Variants in CDK6 observed in about 807,000 individuals in gnomAD.
CDK6 encodes the protein cyclin-dependent kinase 6.
In CDK6, 6 loss-of-function variants were observed where a neutral mutation model predicts 37.1. That is an observed-to-expected ratio of 0.16 (90% CI 0.09 to 0.32). The LOEUF (loss-of-function observed/expected upper bound fraction) is 0.32, where lower values mean the gene tolerates loss of function less well. CDK6 is among the 10% of genes least tolerant of loss of function. The pLI is 1.00. For missense variants in CDK6, 224 were observed against 418.9 expected, an observed-to-expected ratio of 0.53 and a Z score of 4.06; for synonymous variants, 160 against 161.3, an observed-to-expected ratio of 0.99 and a Z score of 0.06.
intron 3 of CDK6, among the ~76,000 whole-genome samples, chr7:92,734,778 T>C (rs1429686848): frequency 6.6e-6 from 1 of 152,226 alleles, no homozygotes; most frequent in Non-Finnish European, 1.5e-5. Context: ...TCAGTATTCG[T>C]ACCTTTTAGC....
At chr7:92,641,246 T>C (rs747975181) in intron 5 of CDK6, among the ~76,000 whole-genome samples, 1 of 152,218 alleles carries the variant, frequency 6.6e-6, no homozygotes, top group Non-Finnish European at 1.5e-5. Context: ...TCAGTAGTTT[T>C]AGCATCATCC....
chr7:92,831,526 T>C (rs1801481163), intron 2 of CDK6, among the ~76,000 whole-genome samples: 1 of 152,166 alleles, frequency 6.6e-6, no homozygotes, highest in Admixed American at 6.5e-5. Flanking sequence ...GGGCTAAATA[T>C]ACCCTCCCCT....
chr7:92,642,044 T>G (rs550816421), intron 5 of CDK6, among the ~76,000 whole-genome samples: 6 of 152,264 alleles, frequency 3.9e-5, no homozygotes, highest in African/African-American at 1.4e-4. Flanking sequence ...AGTTCCCCTG[T>G]GAGCTGGCGT....
chr7:92,758,237 G>A (rs1799363318), intron 3 of CDK6, among the ~76,000 whole-genome samples: 1 of 152,168 alleles, frequency 6.6e-6, no homozygotes, highest in African/African-American at 2.4e-5. Context: ...TATTGCCTAG[G>A]CTGTCTTCCA....
At chr7:92,681,918 G>T (rs11763196) in intron 4 of CDK6, among the ~76,000 whole-genome samples, 1 of 152,090 alleles carries the variant, frequency 6.6e-6, no homozygotes, top group Non-Finnish European at 1.5e-5. Context: ...TCACTACTTA[G>T]TGCTGCTACC....
chr7:92,615,384 G>A (rs1179187752), intron 7 of CDK6, 98 bp from the exon 8 acceptor site: 30 of 958,202 alleles, frequency 3.1e-5, no homozygotes, highest in South Asian at 2.6e-4. Flanking sequence ...TATGTTAAGC[G>A]CATCTACAGT....
chr7:92,658,258 C>T (rs1796750785), intron 5 of CDK6, among the ~76,000 whole-genome samples: 1 of 152,182 alleles, frequency 6.6e-6, no homozygotes, highest in Non-Finnish European at 1.5e-5. Context: ...CTGGAATTTA[C>T]TGTACAGAAA....
chr7:92,717,292 T>C (rs1223935726), intron 4 of CDK6, among the ~76,000 whole-genome samples: 1 of 150,940 alleles, frequency 6.6e-6, no homozygotes, highest in African/African-American at 2.4e-5. Context: ...CACTAAGCTA[T>C]GACTGTGCCA....
At chr7:92,679,661 G>T (rs1038002350) in intron 4 of CDK6, among the ~76,000 whole-genome samples, 8 of 152,136 alleles carry the variant, frequency 5.3e-5, no homozygotes, top group Non-Finnish European at 7.4e-5. Context: ...TAGTATGGTT[G>T]TGTGAAGTGA....
intron 2 of CDK6, among the ~76,000 whole-genome samples, chr7:92,812,953 A>G (rs1022333225): frequency 2.5e-4 from 38 of 152,212 alleles, no homozygotes; most frequent in African/African-American, 8.7e-4. Flanking sequence ...TATGTCAGAA[A>G]CAAAGGGCAT....
At chr7:92,718,312 G>C (rs1018259307) in intron 4 of CDK6, among the ~76,000 whole-genome samples, 1 of 152,124 alleles carries the variant, frequency 6.6e-6, no homozygotes, top group Non-Finnish European at 1.5e-5. Context: ...AGGCGACGGG[G>C]CTTTGGGTTT....
chr7:92,610,104 T>C lies in CDK6; in HGVS notation c.*5036A>G, dbSNP rs1795529987. On this transcript the variant is annotated 3_prime_UTR_variant, in exon 8 of 8. Coordinates refer to ENST00000424848, the MANE Select transcript of CDK6 (RefSeq NM_001145306.2). ...TCTAAAAGTGCCACCTTGTGGAATATACCGGAATAAAACAAGAAAGCTCAT... is the reference window on the plus strand; with the variant it reads ...TCTAAAAGTGCCACCTTGTGGAATACACCGGAATAAAACAAGAAAGCTCAT... 4.3e-6 allele frequency: 1 copy of C among 230,512 alleles called. No individual in the cohort carries two copies. Among genetic ancestry groups the C allele is most frequent in the Non-Finnish European group, 8.6e-6 (1 of 116,434 alleles). The allele number at this position is 230,512 out of a possible 1,614,324, so 14.3% of individuals were successfully genotyped here.
chr7:92,808,708 T>G (rs1408968806), intron 2 of CDK6, among the ~76,000 whole-genome samples: 1 of 152,192 alleles, frequency 6.6e-6, no homozygotes, highest in African/African-American at 2.4e-5. Context: ...TCAAGTATTT[T>G]GAGGTAGGGT....
At chr7:92,829,299 T>C (rs1801415999) in intron 2 of CDK6, among the ~76,000 whole-genome samples, 1 of 152,230 alleles carries the variant, frequency 6.6e-6, no homozygotes, top group African/African-American at 2.4e-5. Flanking sequence ...AATTATAATA[T>C]TTAAACATCA....
chr7:92,723,201 C>A (rs1798408924), intron 4 of CDK6, among the ~76,000 whole-genome samples: 1 of 152,006 alleles, frequency 6.6e-6, no homozygotes, highest in Admixed American at 6.6e-5. Context: ...CAAAAAAACC[C>A]AAAATATTAC....
At chr7:92,622,919 G>A in intron 6 of CDK6, 117 bp downstream of exon 6, 2 of 668,636 alleles carry the variant, frequency 3.0e-6, no homozygotes, top group Non-Finnish European at 5.3e-6. Flanking sequence ...ACTGTCTGCA[G>A]CAGCTGCTTG....
intron 5 of CDK6, among the ~76,000 whole-genome samples, chr7:92,648,528 T>C (rs535489621): frequency 6.6e-6 from 1 of 152,342 alleles, no homozygotes; most frequent in South Asian, 2.1e-4. Flanking sequence ...GGTAAGTTTA[T>C]GTCAATAGAA....
chr7:92,766,767 A>G (rs1421878465), intron 3 of CDK6, among the ~76,000 whole-genome samples: 2 of 152,200 alleles, frequency 1.3e-5, no homozygotes, highest in African/African-American at 4.8e-5. Flanking sequence ...ACTACCTGCA[A>G]GTTTTAATGG....
At chr7:92,727,279 G>A (rs191967814) in intron 3 of CDK6, among the ~76,000 whole-genome samples, 14 of 152,314 alleles carry the variant, frequency 9.2e-5, no homozygotes, top group Admixed American at 9.1e-4. Flanking sequence ...GGAAGGGGCT[G>A]TGAGGATACA....
Sources: gnomAD v4.1 joint callset for allele counts (sites outside exome capture counted in the v4.1 genomes callset) on GRCh38, gnomAD v4.1.1 for gene constraint, MANE v1.5 for transcripts, NCBI Gene and HGNC (gene_info 2026-07-23, HGNC 2026-07-21) for gene names.